CTNND2: variants seen among roughly 807,000 people sequenced by gnomAD.
CTNND2 encodes catenin delta 2.
CTNND2 carries 22 observed loss-of-function variants against 144.4 expected under a neutral mutation model. That is an observed-to-expected ratio of 0.15 (90% CI 0.11 to 0.22). The LOEUF (loss-of-function observed/expected upper bound fraction) is 0.22. CTNND2 is among the 10% of genes least tolerant of loss of function. The probability of loss-of-function intolerance (pLI) is 1.00; values close to 1 mark genes in which losing one functional copy is unlikely to be tolerated. For missense variants in CTNND2, 1,353 were observed against 1,618.8 expected (o/e 0.84, Z 2.82); for synonymous variants, 751 against 695.6 (o/e 1.08, Z -1.25).
chr5:11,068,814 G>C (rs1397905316), intron 16 of CTNND2, among the ~76,000 whole-genome samples: 1 of 152,212 alleles, frequency 6.6e-6, no homozygotes, highest in Non-Finnish European at 1.5e-5. Context: ...CTATGTGGGG[G>C]GCTGGGGCAG....
chr5:11,256,807 C>T lies in CTNND2; in HGVS notation c.1629-19984G>A, dbSNP rs969652031. ...TAAAAGAGTGGGCAACATCAGTGTA[C>T]GCCAGGGTTTCTCAACCTCAGCACT... On this transcript the variant is annotated intron_variant, in intron 9 of 21. Coordinates refer to ENST00000304623, the MANE Select transcript of CTNND2 (RefSeq NM_001332.4). Among the ~76,000 whole-genome samples, 66 of 152,218 alleles carry T rather than the reference C, an allele frequency of 4.3e-4. 1 individual carries two copies. Among genetic ancestry groups the T allele is most frequent in the African/African-American group, 1.5e-3 (62 of 41,548 alleles).
intron 13 of CTNND2, among the ~76,000 whole-genome samples, chr5:11,113,172 A>C (rs774794617): frequency 9.2e-5 from 14 of 152,106 alleles, no homozygotes; most frequent in Admixed American, 2.6e-4. Context: ...AGCAAAAAAA[A>C]CACCAGTATC....
intron 3 of CTNND2, among the ~76,000 whole-genome samples, chr5:11,551,390 A>G (rs548789464): frequency 6.1e-4 from 88 of 143,602 alleles, no homozygotes; most frequent in African/African-American, 2.2e-3. Context: ...CAGCAGCAAC[A>G]TATTTTATCA....
intron 2 of CTNND2, among the ~76,000 whole-genome samples, chr5:11,613,810 T>C (rs1394022883): frequency 1.3e-5 from 2 of 152,218 alleles, no homozygotes; most frequent in African/African-American, 4.8e-5. Flanking sequence ...GGTTAGTACA[T>C]GTCTGTAGCT....
chr5:11,646,914 T>C (rs1782386436), intron 2 of CTNND2, among the ~76,000 whole-genome samples: 1 of 152,128 alleles, frequency 6.6e-6, no homozygotes, highest in Admixed American at 6.6e-5. Context: ...GCATCTTCAG[T>C]CTCCCTGCAC....
At chr5:11,531,456 T>C (rs1215370199) in intron 3 of CTNND2, among the ~76,000 whole-genome samples, 1 of 152,000 alleles carries the variant, frequency 6.6e-6, no homozygotes, top group Non-Finnish European at 1.5e-5. Context: ...TAAAACCCCA[T>C]CTCTACTAAA....
intron 1 of CTNND2, among the ~76,000 whole-genome samples, chr5:11,829,978 A>G (rs550167918): frequency 2.0e-5 from 3 of 152,344 alleles, no homozygotes; most frequent in Admixed American, 6.5e-5. Flanking sequence ...ACATGGAGTC[A>G]AAGGAGATCA....
At chr5:11,485,364 T>A (rs980440562) in intron 3 of CTNND2, among the ~76,000 whole-genome samples, 22 of 126,356 alleles carry the variant, frequency 1.7e-4, no homozygotes, top group Admixed American at 8.0e-4. Context: ...TGTGTGTGTG[T>A]GTGTGTGTGT....
intron 1 of CTNND2, among the ~76,000 whole-genome samples, chr5:11,811,457 T>A (rs1269484482): frequency 6.6e-6 from 1 of 152,126 alleles, no homozygotes; most frequent in Non-Finnish European, 1.5e-5. Context: ...TGAAATAAGG[T>A]GTATGAACAT....
intron 3 of CTNND2, among the ~76,000 whole-genome samples, chr5:11,416,292 C>A (rs2149844330): frequency 6.6e-6 from 1 of 152,254 alleles, no homozygotes; most frequent in Admixed American, 6.5e-5. Context: ...AGAAGAAACT[C>A]TTTTTATTAT....
At chr5:11,750,868 A>G (rs1416453467) in intron 1 of CTNND2, among the ~76,000 whole-genome samples, 1 of 151,872 alleles carries the variant, frequency 6.6e-6, no homozygotes, top group Non-Finnish European at 1.5e-5. Context: ...CCAAGATGTA[A>G]TCAATAATAA....
At chr5:11,007,262 G>T (rs1034398043) in intron 18 of CTNND2, among the ~76,000 whole-genome samples, 1 of 152,174 alleles carries the variant, frequency 6.6e-6, no homozygotes, top group Non-Finnish European at 1.5e-5. Context: ...GAAAATGGGG[G>T]TACTATCGCA....
intron 11 of CTNND2, among the ~76,000 whole-genome samples, chr5:11,197,296 G>A (rs1271088591): frequency 6.6e-6 from 1 of 152,196 alleles, no homozygotes; most frequent in Non-Finnish European, 1.5e-5. Context: ...ACATGAAAAT[G>A]CTCTAGAAAG....
At chr5:11,326,772 C>T (rs1472358598) in intron 9 of CTNND2, among the ~76,000 whole-genome samples, 1 of 152,120 alleles carries the variant, frequency 6.6e-6, no homozygotes, top group Non-Finnish European at 1.5e-5. Flanking sequence ...CTGGGCAACA[C>T]CGACCTTCAG....
rs71595810 is a variant in CTNND2 at position 11,250,456 on chromosome 5, GCTCTCTCT to G, written c.1629-13641_1629-13634del. 1.9e-3 allele frequency among the ~76,000 whole-genome samples: 140 copies of G among 73,182 alleles called. 2 individuals are homozygous for G. Among genetic ancestry groups the G allele is most frequent in the South Asian group, 0.014 (20 of 1,404 alleles). 48.0% of individuals were successfully genotyped at this position (73,182 alleles called of 152,430 possible). A position where few individuals can be genotyped will look rare whatever the true frequency, so the allele number is the denominator to read the frequency against. On this transcript the variant is annotated intron_variant, in intron 9 of 21. Coordinates refer to ENST00000304623, the MANE Select transcript of CTNND2 (RefSeq NM_001332.4). The stretch of plus-strand genomic sequence containing the variant: ...AAAGTTTGCGGTGAATTTAAAGGGT[GCTCTCTCT>G]CTCTCTCTCTCTCTCTCTCTCTCTC...
At chr5:11,349,712 C>G (rs965825234) in intron 8 of CTNND2, among the ~76,000 whole-genome samples, 3 of 152,170 alleles carry the variant, frequency 2.0e-5, no homozygotes, top group East Asian at 1.9e-4. Context: ...ATTACAAACT[C>G]GTATGCTAAC....
At chr5:11,854,198 G>A (rs1795149431) in intron 1 of CTNND2, among the ~76,000 whole-genome samples, 1 of 152,110 alleles carries the variant, frequency 6.6e-6, no homozygotes, top group Admixed American at 6.5e-5. Flanking sequence ...TCAAAGCCAG[G>A]GTCATGGCTA....
intron 1 of CTNND2, among the ~76,000 whole-genome samples, chr5:11,867,342 T>C (rs1002881650): frequency 2.6e-5 from 4 of 152,230 alleles, no homozygotes; most frequent in African/African-American, 9.6e-5. Flanking sequence ...TTTTTGTTTT[T>C]ACTTGGGGGA....
chr5:11,385,712 G>A (rs1441900926), intron 6 of CTNND2: 1 of 152,086 alleles, frequency 6.6e-6, no homozygotes, highest in African/African-American at 2.4e-5. Context: ...GATTGGCCGA[G>A]TTACATACTT....
Sources: allele counts gnomAD v4.1 joint callset (sites outside exome capture counted in the v4.1 genomes callset), GRCh38; gene constraint gnomAD v4.1.1; transcripts MANE v1.5; gene names NCBI Gene and HGNC (gene_info 2026-07-23, HGNC 2026-07-21).